Variants in GLCCI1 observed in about 807,000 individuals in gnomAD.
The protein encoded by GLCCI1 is glucocorticoid-induced transcript 1 protein.
GLCCI1 carries 24 observed loss-of-function variants against 52.2 expected under a neutral mutation model. The ratio of observed to expected loss-of-function variants is 0.46; its 90% CI spans 0.33 to 0.65. The LOEUF (loss-of-function observed/expected upper bound fraction) is 0.65. Ranked by LOEUF, GLCCI1 falls within the 30% of genes least tolerant of loss-of-function variation. The probability of loss-of-function intolerance (pLI) is 0.02; values close to 1 mark genes in which losing one functional copy is unlikely to be tolerated. For synonymous variants in GLCCI1, 310 were observed against 276.5 expected, an observed-to-expected ratio of 1.12 and a Z score of -1.20; for missense variants, 704 against 701.5, an observed-to-expected ratio of 1.00 and a Z score of -0.04.
At chr7:8,005,135 A>G (rs1007635765) in intron 2 of GLCCI1, among the ~76,000 whole-genome samples, 18 of 152,318 alleles carry the variant, frequency 1.2e-4, no homozygotes, top group African/African-American at 4.1e-4. Context: ...AACTAGCAAA[A>G]CTTAGAGGTG....
chr7:8,059,091 G>C (rs933948501), intron 4 of GLCCI1, among the ~76,000 whole-genome samples: 2 of 152,152 alleles, frequency 1.3e-5, no homozygotes, highest in African/African-American at 4.8e-5. Context: ...TGGTTTTGCT[G>C]TCTCAGGGTG....
At chr7:8,030,038 G>GA (rs1401143134) in intron 3 of GLCCI1, among the ~76,000 whole-genome samples, 1 of 151,896 alleles carries the variant, frequency 6.6e-6, no homozygotes, top group Non-Finnish European at 1.5e-5. Context: ...TCACAGAAAT[G>GA]AAAAAAACTA....
intron 6 of GLCCI1, among the ~76,000 whole-genome samples, chr7:8,076,296 G>A (rs868807753): frequency 6.6e-6 from 1 of 152,084 alleles, no homozygotes; most frequent in Non-Finnish European, 1.5e-5. Context: ...ATCTGGATGC[G>A]TTTATCAAAA....
At chr7:8,032,390 A>G (rs955020238) in intron 3 of GLCCI1, among the ~76,000 whole-genome samples, 1 of 152,046 alleles carries the variant, frequency 6.6e-6, no homozygotes, top group Non-Finnish European at 1.5e-5. Context: ...AAAACAAGCA[A>G]AGGAATGAGA....
At chr7:7,998,063 C>T (rs187904033) in intron 1 of GLCCI1, among the ~76,000 whole-genome samples, 2 of 151,760 alleles carry the variant, frequency 1.3e-5, no homozygotes, top group Admixed American at 1.3e-4. Flanking sequence ...TTAAAATCTA[C>T]ATTTAACATA....
chr7:8,014,617 A>G (rs984552266), intron 2 of GLCCI1, among the ~76,000 whole-genome samples: 1 of 152,222 alleles, frequency 6.6e-6, no homozygotes, highest in Non-Finnish European at 1.5e-5. Flanking sequence ...CTCTAGCATA[A>G]CACAGTATAA....
Position 8,039,564 on chromosome 7 carries a change from A to G in GLCCI1, c.697-15869A>G, listed in dbSNP as rs183338576. Among the ~76,000 whole-genome samples the G allele has an allele frequency of 2.0e-4, 30 of 152,354 alleles. No individual in the cohort carries two copies. The East Asian group carries it at 5.2e-3, about 26-fold the overall frequency. ...AGTCAAATATTACATATTCTTACTC[A>G]TAAGTGGGAGCTTAAAAATATGTAT... On this transcript the variant is annotated intron_variant, in intron 3 of 7. Transcript: ENST00000223145.
At chr7:7,983,817 C>T (rs1379663495) in intron 1 of GLCCI1, among the ~76,000 whole-genome samples, 1 of 151,840 alleles carries the variant, frequency 6.6e-6, no homozygotes, top group Admixed American at 6.6e-5. Flanking sequence ...TGGTTTTTAT[C>T]TTCATTTAAG....
intron 6 of GLCCI1, among the ~76,000 whole-genome samples, chr7:8,077,883 T>C (rs1782907066): frequency 6.6e-6 from 1 of 151,612 alleles, no homozygotes; most frequent in African/African-American, 2.4e-5. Flanking sequence ...AATTGAACGG[T>C]TGGGGTATAG....
At chr7:8,077,614 A>T (rs1365941524) in intron 6 of GLCCI1, among the ~76,000 whole-genome samples, 1 of 145,322 alleles carries the variant, frequency 6.9e-6, no homozygotes, top group Non-Finnish European at 1.5e-5. Flanking sequence ...TAGAATTGTT[A>T]TGATGATTAA....
At chr7:8,027,717 C>G (rs1457665890) in intron 3 of GLCCI1, among the ~76,000 whole-genome samples, 3 of 151,224 alleles carry the variant, frequency 2.0e-5, no homozygotes, top group Admixed American at 6.6e-5. Flanking sequence ...GATCTATTGC[C>G]TACAAGAAAC....
rs550519144 is a variant in GLCCI1, at chr7:7,969,121, G to A, written c.-230G>A. 2.0e-3 allele frequency: 529 copies of A among 260,182 alleles called. 3 individuals carry two copies. Among genetic ancestry groups the A allele is most frequent in the African/African-American group, 0.011 (500 of 43,958 alleles). The allele number at this position is 260,182 out of a possible 1,614,324, so 16.1% of individuals were successfully genotyped here. On this transcript the variant is annotated 5_prime_UTR_variant, in exon 1 of 8. Coordinates refer to ENST00000223145, the MANE Select transcript of GLCCI1 (RefSeq NM_138426.4). The surrounding 1 kb of genome is among the most constrained non-coding windows in gnomAD (Gnocchi z 4.9). Reference sequence around the variant, plus strand: ...ACCGCCACACCGAGCCCAGCCGGGCGGTTGCGGCCGTTGGACGTTTGTTTT... The same window carrying A: ...ACCGCCACACCGAGCCCAGCCGGGCAGTTGCGGCCGTTGGACGTTTGTTTT...
chr7:8,049,678 A>T (rs1782214851), intron 3 of GLCCI1, among the ~76,000 whole-genome samples: 1 of 152,182 alleles, frequency 6.6e-6, no homozygotes, highest in Non-Finnish European at 1.5e-5. Flanking sequence ...ACGGCTTGTA[A>T]TATCTCCAGC....
At chr7:7,986,408 C>G (rs1047416512) in intron 1 of GLCCI1, among the ~76,000 whole-genome samples, 1 of 151,946 alleles carries the variant, frequency 6.6e-6, no homozygotes, top group Admixed American at 6.5e-5. Flanking sequence ...ACCTGTAGTC[C>G]CAGCTACTCA....
chr7:8,027,674 C>A (rs1781651507), intron 3 of GLCCI1, among the ~76,000 whole-genome samples: 1 of 150,092 alleles, frequency 6.7e-6, no homozygotes. Context: ...CAACGAGTGG[C>A]TGAATGGATG....
At chr7:8,006,876 A>G (rs1781161983) in intron 2 of GLCCI1, among the ~76,000 whole-genome samples, 1 of 152,162 alleles carries the variant, frequency 6.6e-6, no homozygotes, top group Non-Finnish European at 1.5e-5. Flanking sequence ...CTTTACACAT[A>G]CACTTGGACC....
rs1783140063 is a variant in GLCCI1 at position 8,087,431 on chromosome 7, T to C, written c.*893T>C. ...AAATAAAGTGTTCAGTACTGGACTG[T>C]ACATAAACATTCCACATTGTGTGTG... On this transcript the variant is annotated 3_prime_UTR_variant, in exon 8 of 8. Coordinates refer to ENST00000223145, the MANE Select transcript of GLCCI1 (RefSeq NM_138426.4). 2 of 152,660 alleles carry C rather than the reference T, an allele frequency of 1.3e-5. No individual in the cohort carries two copies. The highest frequency in any genetic ancestry group is 2.9e-5 in the Non-Finnish European group (2 of 68,040). 9.5% of individuals were successfully genotyped at this position (152,660 alleles called of 1,614,324 possible). A position where few individuals can be genotyped will look rare whatever the true frequency, so the allele number is the denominator to read the frequency against.
intron 2 of GLCCI1, among the ~76,000 whole-genome samples, chr7:8,007,692 A>G (rs571838602): frequency 6.6e-6 from 1 of 152,328 alleles, no homozygotes; most frequent in East Asian, 1.9e-4. Context: ...TGGTATACTC[A>G]GCTTGCTACA....
At chr7:8,052,181 A>AAGGCTACAGCTTGCTG (rs1782272660) in intron 3 of GLCCI1, among the ~76,000 whole-genome samples, 1 of 152,118 alleles carries the variant, frequency 6.6e-6, no homozygotes, top group Non-Finnish European at 1.5e-5. Context: ...GTATTCTGCT[A>AAGGCTACAGCTTGCTG]AGGCTACAGC....
Sources: allele counts gnomAD v4.1 joint callset (sites outside exome capture counted in the v4.1 genomes callset), GRCh38; gene constraint gnomAD v4.1.1; non-coding constraint Gnocchi (gnomAD v3.1); transcripts MANE v1.5; gene names NCBI Gene and HGNC (gene_info 2026-07-23, HGNC 2026-07-21).